The following ZC3H12B variants were observed in gnomAD, a reference collection of about 807,000 sequenced individuals.
ZC3H12B encodes zinc finger CCCH-type containing 12B, also known as probable ribonuclease ZC3H12B.
In ZC3H12B, 7 loss-of-function variants were observed where a neutral mutation model predicts 43.9. The ratio of observed to expected loss-of-function variants is 0.16; its 90% CI spans 0.09 to 0.30. ZC3H12B has a LOEUF of 0.30. Among genes scored for constraint, ZC3H12B ranks in the 10% least tolerant of loss-of-function variants. The probability of loss-of-function intolerance (pLI) is 1.00; values close to 1 mark genes in which losing one functional copy is unlikely to be tolerated. For missense variants in ZC3H12B, 475 were observed against 670.2 expected (o/e 0.71, Z 3.22); for synonymous variants, 222 against 241.7 (o/e 0.92, Z 0.76).
At chrX:65,215,353 C>T in the ZC3H12B span, among the ~76,000 whole-genome samples, 1 of 111,693 alleles carries the variant, frequency 9.0e-6, no homozygotes, top group Non-Finnish European at 1.9e-5. Flanking sequence ...TTCAGTGTAG[C>T]CACCATCATC....
At chrX:65,173,608 T>C in the ZC3H12B span, among the ~76,000 whole-genome samples, 1 of 112,063 alleles carries the variant, frequency 8.9e-6, no homozygotes, top group East Asian at 2.8e-4. Context: ...CAATATATAG[T>C]TTATTGAGAG....
the ZC3H12B span, among the ~76,000 whole-genome samples, chrX:65,212,377 T>C: frequency 5.6e-5 from 3 of 53,454 alleles, no homozygotes; most frequent in Admixed American, 3.7e-4. Context: ...TTACATATTG[T>C]ATAATATGTA....
At chrX:65,133,504 G>T in the ZC3H12B span, among the ~76,000 whole-genome samples, 1 of 111,219 alleles carries the variant, frequency 9.0e-6, no homozygotes, top group Non-Finnish European at 1.9e-5. Flanking sequence ...TATCTGATTT[G>T]GGAGAGGTCG....
the ZC3H12B span, among the ~76,000 whole-genome samples, chrX:65,292,890 A>T: frequency 9.0e-6 from 1 of 111,605 alleles, no homozygotes; most frequent in Admixed American, 9.5e-5. Flanking sequence ...AGGCTGAGGT[A>T]GGAGGATCAC....
intron 3 of ZC3H12B, among the ~76,000 whole-genome samples, chrX:65,409,122 C>T (rs2066872328): frequency 9.1e-6 from 1 of 110,270 alleles, no homozygotes; most frequent in African/African-American, 3.3e-5. Context: ...TTGCACTTGA[C>T]TAATTTTTTG....
chrX:65,421,737 G>A (rs916649595), intron 3 of ZC3H12B, among the ~76,000 whole-genome samples: 15 of 111,622 alleles, frequency 1.3e-4, no homozygotes, highest in East Asian at 5.7e-4. Context: ...TGAGGCAGGC[G>A]GATCACGAGG....
At chrX:65,255,989 T>C in the ZC3H12B span, among the ~76,000 whole-genome samples, 2 of 112,601 alleles carry the variant, frequency 1.8e-5, no homozygotes, top group Non-Finnish European at 3.8e-5. Context: ...AAGACATAGC[T>C]ATTTTAAATA....
At chrX:65,066,502 T>C in the ZC3H12B span, among the ~76,000 whole-genome samples, 2 of 111,679 alleles carry the variant, frequency 1.8e-5, no homozygotes, top group African/African-American at 6.5e-5. Flanking sequence ...TTCCTATTCT[T>C]TCCTCTGGAA....
the ZC3H12B span, among the ~76,000 whole-genome samples, chrX:65,285,425 T>C: frequency 9.1e-6 from 1 of 110,472 alleles, no homozygotes; most frequent in Non-Finnish European, 1.9e-5. Flanking sequence ...ATAATCAAGC[T>C]GTCTAAAGTA....
At chrX:65,409,664 A>G (rs2066880079) in intron 3 of ZC3H12B, among the ~76,000 whole-genome samples, 2 of 110,733 alleles carry the variant, frequency 1.8e-5, no homozygotes, top group South Asian at 7.7e-4. Context: ...AATCAATTGC[A>G]TTTCTACATC....
the ZC3H12B span, among the ~76,000 whole-genome samples, chrX:65,067,767 C>T: frequency 9.3e-6 from 1 of 107,773 alleles, no homozygotes; most frequent in African/African-American, 3.4e-5. Flanking sequence ...TATTTCTTTT[C>T]TTCTACTAAT....
At chrX:65,187,764 T>G in the ZC3H12B span, among the ~76,000 whole-genome samples, 1 of 110,014 alleles carries the variant, frequency 9.1e-6, no homozygotes, top group Admixed American at 9.8e-5. Flanking sequence ...TTAGAATACA[T>G]GGGGTATCTG....
intron 3 of ZC3H12B, among the ~76,000 whole-genome samples, chrX:65,431,415 G>C (rs761165434): frequency 8.9e-6 from 1 of 112,270 alleles, no homozygotes; most frequent in Admixed American, 9.4e-5. Flanking sequence ...TGGCAGATTG[G>C]GGACTCAGTG....
chrX:65,097,398 C>T, the ZC3H12B span, among the ~76,000 whole-genome samples: 1 of 111,266 alleles, frequency 9.0e-6, no homozygotes, highest in South Asian at 3.7e-4. Context: ...TAGAATTTTT[C>T]TGGGCCTTCA....
chrX:65,066,117 A>G, the ZC3H12B span, among the ~76,000 whole-genome samples: 1 of 109,150 alleles, frequency 9.2e-6, no homozygotes, highest in African/African-American at 3.3e-5. Flanking sequence ...GTTTGTTATT[A>G]CCCATCTTCT....
chrX:65,202,339 T>G, the ZC3H12B span, among the ~76,000 whole-genome samples: 1 of 107,037 alleles, frequency 9.3e-6, no homozygotes, highest in East Asian at 2.9e-4. Context: ...TTATTTTAGT[T>G]TTCACTGTCT....
the ZC3H12B span, among the ~76,000 whole-genome samples, chrX:65,210,007 G>A: frequency 1.5e-5 from 1 of 67,087 alleles, no homozygotes; most frequent in Non-Finnish European, 2.3e-5. Context: ...CATAGGCGTG[G>A]GCAAGGACTT....
intron 3 of ZC3H12B, among the ~76,000 whole-genome samples, chrX:65,407,723 C>T (rs990709412): frequency 2.6e-5 from 3 of 113,627 alleles, no homozygotes; most frequent in African/African-American, 9.5e-5. Flanking sequence ...GGAGTGCGGT[C>T]GGAGTCACCG....
At chrX:65,296,127 C>T in the ZC3H12B span, among the ~76,000 whole-genome samples, 3 of 111,546 alleles carry the variant, frequency 2.7e-5, no homozygotes, top group Non-Finnish European at 5.7e-5. Flanking sequence ...CATCAGTCAA[C>T]GAATGAATAA....
Sources: gnomAD v4.1 joint callset for allele counts (sites outside exome capture counted in the v4.1 genomes callset) on GRCh38, gnomAD v4.1.1 for gene constraint, MANE v1.5 for transcripts, NCBI Gene and HGNC (gene_info 2026-07-23, HGNC 2026-07-21) for gene names.